The following KLHL5 variants were observed in gnomAD, a reference collection of about 807,000 sequenced individuals.
KLHL5 encodes the protein kelch-like protein 5.
In KLHL5, 48 loss-of-function variants were observed where a neutral mutation model predicts 77.7. The ratio of observed to expected loss-of-function variants is 0.62; its 90% CI spans 0.49 to 0.79. The LOEUF (loss-of-function observed/expected upper bound fraction) is 0.79. KLHL5 is among the 30% of genes least tolerant of loss of function. KLHL5 has a pLI of 0.00. For synonymous variants in KLHL5, 260 were observed against 297.0 expected, an observed-to-expected ratio of 0.88 and a Z score of 1.28; for missense variants, 723 against 859.7, an observed-to-expected ratio of 0.84 and a Z score of 1.99.
the KLHL5 span, chr4:39,134,102 G>A: frequency 4.6e-5 from 7 of 152,158 alleles, no homozygotes; most frequent in Non-Finnish European, 1.0e-4. Flanking sequence ...GAGAGCATGG[G>A]GTGAAAGACC....
At chr4:39,063,759 G>A (rs1717638169) in intron 1 of KLHL5, 1 of 174,300 alleles carries the variant, frequency 5.7e-6, no homozygotes, top group Admixed American at 5.7e-5. Context: ...AGGAAGAAGG[G>A]GAAATCAGTT....
chr4:39,141,725 C>T, the KLHL5 span, among the ~76,000 whole-genome samples: 2 of 151,762 alleles, frequency 1.3e-5, no homozygotes, highest in East Asian at 3.9e-4. Context: ...AACACTTGAG[C>T]CCAGGAGTTC....
At chr4:39,075,263 G>A (rs1008893809) in intron 1 of KLHL5, among the ~76,000 whole-genome samples, 28 of 151,906 alleles carry the variant, frequency 1.8e-4, no homozygotes, top group Admixed American at 3.9e-4. Flanking sequence ...CTCAGTAGGC[G>A]GAGGTTGTGG....
chr4:39,107,562 C>T lies in KLHL5; in HGVS notation c.1526-7C>T, dbSNP rs774279663. Reference sequence around the variant, plus strand: ...GAAGTCGTTAATTGTTTCCTGTCTCCTCATAGGTGTGGCTGTACTGGAAGG... The same window carrying T: ...GAAGTCGTTAATTGTTTCCTGTCTCTTCATAGGTGTGGCTGTACTGGAAGG... On this transcript the variant is annotated splice_polypyrimidine_tract_variant and splice_region_variant and intron_variant, in intron 7 of 10. Coordinates refer to ENST00000504108, the MANE Select transcript of KLHL5 (RefSeq NM_015990.5). 1 of 1,596,500 alleles carries T rather than the reference C, an allele frequency of 6.3e-7. No individual in the cohort carries two copies. Among genetic ancestry groups the T allele is most frequent in the South Asian group, 1.1e-5 (1 of 89,032 alleles).
chr4:39,122,632 C>T lies in KLHL5; in HGVS notation c.*1566C>T, dbSNP rs549521245. Among the ~76,000 whole-genome samples, 1 of 151,860 alleles carries T rather than the reference C, an allele frequency of 6.6e-6. No individual in the cohort carries two copies. The highest frequency in any genetic ancestry group is 2.1e-4 in the South Asian group (1 of 4,804). On this transcript the variant is annotated 3_prime_UTR_variant, in exon 11 of 11. Coordinates refer to ENST00000504108, the MANE Select transcript of KLHL5 (RefSeq NM_015990.5). ...CATCCTGGCTAACACAGTGAAACCC[C>T]GTCTCTACTAAAAATAAAAAATAAA...
chr4:39,108,861 T>G (rs960804943), intron 8 of KLHL5, among the ~76,000 whole-genome samples: 1 of 152,214 alleles, frequency 6.6e-6, no homozygotes, highest in African/African-American at 2.4e-5. Flanking sequence ...TTAGCCCTTA[T>G]TTCTAATAGA....
intron 8 of KLHL5, among the ~76,000 whole-genome samples, chr4:39,110,881 T>A (rs1235202989): frequency 6.6e-6 from 1 of 152,202 alleles, no homozygotes. Flanking sequence ...CTCTTTTTAT[T>A]GTAATAGACA....
At chr4:39,112,622 A>G (rs990026900) in intron 8 of KLHL5, 1 of 191,222 alleles carries the variant, frequency 5.2e-6, no homozygotes, top group East Asian at 1.4e-4. Flanking sequence ...AGAGAAGGTT[A>G]GCTTCTTTCC....
At chr4:39,056,342 C>T (rs1053267606) in intron 1 of KLHL5, among the ~76,000 whole-genome samples, 1 of 152,176 alleles carries the variant, frequency 6.6e-6, no homozygotes, top group African/African-American at 2.4e-5. Flanking sequence ...AATTCCTGAC[C>T]TCAAGTGATC....
intron 8 of KLHL5, among the ~76,000 whole-genome samples, chr4:39,108,349 TAAAG>T (rs1397131066): frequency 6.6e-6 from 1 of 152,132 alleles, no homozygotes; most frequent in Non-Finnish European, 1.5e-5. Context: ...CTGTGGTTGT[TAAAG>T]AAAGTTATTT....
At chr4:39,105,171 G>T (rs1721926428) in intron 7 of KLHL5, among the ~76,000 whole-genome samples, 1 of 147,500 alleles carries the variant, frequency 6.8e-6, no homozygotes. Context: ...TTTTGAGACA[G>T]GTTCTTGCTC....
the KLHL5 span, among the ~76,000 whole-genome samples, chr4:39,137,195 A>G: frequency 0.54 from 81,802 of 151,236 alleles, 22,382 homozygotes; most frequent in Admixed American, 0.59. Flanking sequence ...GTGTGTGTGT[A>G]TAGAAAGATA....
chr4:39,081,876 A>G lies in KLHL5; in HGVS notation c.704-87A>G. On this transcript the variant is annotated intron_variant, in intron 3 of 10. Transcript: ENST00000504108. This position sits in a 1 kb window ranked among gnomAD's most constrained non-coding sequence, Gnocchi z 4.3. The stretch of plus-strand genomic sequence containing the variant: ...TGTAATGCATGTAATGAGCTCTTAT[A>G]TGGAACCACTACTGTTAACATCAAT... The G allele has an allele frequency of 1.0e-6, 1 of 959,972 alleles. No homozygotes were observed. The highest frequency in any genetic ancestry group is 1.5e-6 in the Non-Finnish European group (1 of 668,866). The allele number at this position is 959,972 out of a possible 1,614,324, so 59.5% of individuals were successfully genotyped here.
At chr4:39,101,652 A>C (rs1465300453) in intron 6 of KLHL5, among the ~76,000 whole-genome samples, 1 of 151,996 alleles carries the variant, frequency 6.6e-6, no homozygotes, top group East Asian at 1.9e-4. Context: ...GTTCGAGACC[A>C]GCCTGGCCAA....
chr4:39,054,238 T>C (rs1421905137), intron 1 of KLHL5, among the ~76,000 whole-genome samples: 7 of 152,210 alleles, frequency 4.6e-5, no homozygotes, highest in Non-Finnish European at 8.8e-5. Context: ...GAGTAGTGAA[T>C]GAGAATACTT....
intron 1 of KLHL5, among the ~76,000 whole-genome samples, chr4:39,056,036 A>G (rs1399781204): frequency 6.6e-6 from 1 of 152,200 alleles, no homozygotes. Flanking sequence ...TTTTCAGCAT[A>G]TATCAAAGTC....
rs116841485 is a variant in KLHL5 at position 39,125,187 on chromosome 4, A to C, written c.*4121A>C. 4.2e-3 allele frequency among the ~76,000 whole-genome samples: 640 copies of C among 152,272 alleles called. 8 individuals carry two copies. In the East Asian group the frequency reaches 0.046, roughly 11 times the overall value. On this transcript the variant is annotated 3_prime_UTR_variant, in exon 11 of 11. Transcript: ENST00000504108. Reference sequence around the variant, plus strand: ...AGGAAAAAAAATGAATAATAGAGAAAATAAATGTTAGAGAGGATGTGGAGA... The same window carrying C: ...AGGAAAAAAAATGAATAATAGAGAACATAAATGTTAGAGAGGATGTGGAGA...
At chr4:39,093,571 A>G (rs1720785955) in intron 5 of KLHL5, 1 of 371,842 alleles carries the variant, frequency 2.7e-6, no homozygotes, top group African/African-American at 2.1e-5. Context: ...CACTCTGACC[A>G]GAAAGGTCTT....
At chr4:39,071,418 C>A (rs145267060) in intron 1 of KLHL5, among the ~76,000 whole-genome samples, 1 of 152,190 alleles carries the variant, frequency 6.6e-6, no homozygotes, top group Non-Finnish European at 1.5e-5. Flanking sequence ...AAAAATTACT[C>A]CATTAAGAAA....
Sources: allele counts gnomAD v4.1 joint callset (sites outside exome capture counted in the v4.1 genomes callset), GRCh38; gene constraint gnomAD v4.1.1; non-coding constraint Gnocchi (gnomAD v3.1); transcripts MANE v1.5; gene names NCBI Gene and HGNC (gene_info 2026-07-23, HGNC 2026-07-21).